FUBP3: variants seen among roughly 807,000 people sequenced by gnomAD.
FUBP3 encodes the protein far upstream element-binding protein 3.
A neutral mutation model predicts 85.6 loss-of-function variants in FUBP3; 28 were observed. The ratio of observed to expected loss-of-function variants is 0.33; its 90% CI spans 0.24 to 0.45. The LOEUF (loss-of-function observed/expected upper bound fraction) is 0.45. FUBP3 is among the 20% of genes least tolerant of loss of function. FUBP3 has a pLI of 1.00. For missense variants in FUBP3, 583 were observed against 755.1 expected (o/e 0.77, Z 2.67); for synonymous variants, 271 against 271.4 (o/e 1.00, Z 0.01).
At chr9:130,594,060 T>A (rs1012899961) in intron 1 of FUBP3, among the ~76,000 whole-genome samples, 5 of 152,174 alleles carry the variant, frequency 3.3e-5, no homozygotes, top group African/African-American at 1.2e-4. Flanking sequence ...AAGACAAGCT[T>A]ATGTTACATC....
Position 130,587,078 on chromosome 9 carries a change from T to TG in FUBP3, c.84+7314_84+7315insG, listed in dbSNP as rs1564189164. On this transcript the variant is annotated intron_variant, in intron 1 of 18. Transcript: ENST00000319725. The stretch of plus-strand genomic sequence containing the variant: ...TTGTTTTTTTTTTTTGTTTGTTTGT[T>TG]TTTTTGAGATGGAGTCTCACTCTGT... Among the ~76,000 whole-genome samples the TG allele has an allele frequency of 3.2e-3, 477 of 149,126 alleles. 7 individuals carry two copies. Among genetic ancestry groups the TG allele is most frequent in the African/African-American group, 0.011 (449 of 40,082 alleles).
intron 1 of FUBP3, 66 bp downstream of exon 1, chr9:130,579,830 G>A: frequency 9.7e-7 from 1 of 1,035,190 alleles, no homozygotes; most frequent in Non-Finnish European, 1.2e-6. Flanking sequence ...CGGGGAAGAG[G>A]GGTTCGGGCC....
chr9:130,632,177 C>A, intron 15 of FUBP3, 25 bp from the exon 16 acceptor site: 1 of 1,600,030 alleles, frequency 6.2e-7, no homozygotes, highest in Non-Finnish European at 8.6e-7. Flanking sequence ...CCTATAGGAA[C>A]GAGTGACCCT....
chr9:130,608,932 A>G (rs1588139621), intron 2 of FUBP3, among the ~76,000 whole-genome samples: 1 of 152,196 alleles, frequency 6.6e-6, no homozygotes, highest in Admixed American at 6.5e-5. Context: ...ATGGAGTTCA[A>G]TTGTCAAACC....
At chr9:130,626,008 T>G (rs1243010886) in intron 11 of FUBP3, among the ~76,000 whole-genome samples, 1 of 152,194 alleles carries the variant, frequency 6.6e-6, no homozygotes, top group East Asian at 1.9e-4. Context: ...GGGCCTCAGC[T>G]GCAAGGGAGA....
At chr9:130,585,257 T>C (rs984959175) in intron 1 of FUBP3, among the ~76,000 whole-genome samples, 2 of 152,228 alleles carry the variant, frequency 1.3e-5, no homozygotes, top group Non-Finnish European at 2.9e-5. Flanking sequence ...GAGTAGCTGC[T>C]GCGTTTTTGA....
At chr9:130,584,349 A>G (rs78233343) in intron 1 of FUBP3, among the ~76,000 whole-genome samples, 31,042 of 151,696 alleles carry the variant, frequency 0.2, 3,948 homozygotes, top group African/African-American at 0.36. Context: ...TCAACGTGGC[A>G]AAACCCCATC....
intron 1 of FUBP3, among the ~76,000 whole-genome samples, chr9:130,593,789 C>G (rs1170358596): frequency 6.6e-6 from 1 of 152,200 alleles, no homozygotes; most frequent in African/African-American, 2.4e-5. Context: ...GAGGGACTAA[C>G]ATCAAGAGCA....
intron 11 of FUBP3, among the ~76,000 whole-genome samples, chr9:130,626,144 A>G (rs11791887): frequency 0.21 from 32,559 of 152,100 alleles, 3,971 homozygotes; most frequent in African/African-American, 0.33. Context: ...CTGTTTATGT[A>G]ACCACGTGTG....
rs185201587 is a variant in FUBP3, at chr9:130,604,791, G to C, written c.191-5163G>C. On this transcript the variant is annotated intron_variant, in intron 2 of 18. Coordinates refer to ENST00000319725, the MANE Select transcript of FUBP3 (RefSeq NM_003934.2). ...TGCGCGCCTTTAGTCCCAGCTACTC[G>C]GGAGGCTGAGGCAGGGGAATCACTT... 8.5e-5 allele frequency among the ~76,000 whole-genome samples: 13 copies of C among 152,150 alleles called. No individual in the cohort carries two copies. The East Asian group carries it at 2.5e-3, about 29-fold the overall frequency.
rs1156827088 is a variant in FUBP3 at position 130,610,002 on chromosome 9, A to G, written c.224+15A>G. The stretch of plus-strand genomic sequence containing the variant: ...GTACATCAAAGGTAAGCAGTGGGTT[A>G]CGTTTTATTATTTATTGATCATTTC... On this transcript the variant is annotated intron_variant, in intron 3 of 18. Transcript: ENST00000319725. 6.4e-7 allele frequency: 1 copy of G among 1,570,526 alleles called. No homozygotes were observed. Among genetic ancestry groups the G allele is most frequent in the Non-Finnish European group, 8.8e-7 (1 of 1,140,822 alleles).
intron 1 of FUBP3, among the ~76,000 whole-genome samples, chr9:130,580,438 G>A (rs980769652): frequency 6.6e-5 from 10 of 152,188 alleles, no homozygotes; most frequent in East Asian, 3.8e-4. Context: ...CTTCCCCAGA[G>A]AGTGAATATG....
At chr9:130,597,062 C>T (rs2119030808) in intron 2 of FUBP3, among the ~76,000 whole-genome samples, 1 of 151,600 alleles carries the variant, frequency 6.6e-6, no homozygotes, top group East Asian at 1.9e-4. Flanking sequence ...CTACCCTTCC[C>T]AGCCTCTGGT....
Position 130,614,134 on chromosome 9 carries a change from A to G in FUBP3, c.347-154A>G, listed in dbSNP as rs149218552. Among the ~76,000 whole-genome samples the G allele has an allele frequency of 1.7e-3, 259 of 152,342 alleles. 2 individuals carry two copies. The highest frequency in any genetic ancestry group is 6.1e-3 in the African/African-American group (254 of 41,584). On this transcript the variant is annotated intron_variant, in intron 5 of 18. Transcript: ENST00000319725. ...TCTAGGGTGGAGCTACCAGCTTAATATTCTGTCCACAAGTGGAAGCAAACT... is the reference window on the plus strand; with the variant it reads ...TCTAGGGTGGAGCTACCAGCTTAATGTTCTGTCCACAAGTGGAAGCAAACT...
intron 9 of FUBP3, among the ~76,000 whole-genome samples, 179 bp from the exon 10 acceptor site, chr9:130,622,529 G>A (rs576470745): frequency 3.3e-5 from 5 of 151,738 alleles, no homozygotes; most frequent in South Asian, 4.2e-4. Context: ...CTACTTAGAG[G>A]CTGAGGTGGG....
intron 8 of FUBP3, among the ~76,000 whole-genome samples, 181 bp downstream of exon 8, chr9:130,618,076 T>A (rs1832098383): frequency 6.6e-6 from 1 of 152,000 alleles, no homozygotes; most frequent in African/African-American, 2.4e-5. Context: ...AAAACCAGAG[T>A]CCTTAGCTAC....
intron 1 of FUBP3, among the ~76,000 whole-genome samples, chr9:130,590,472 T>TGA (rs1429488394): frequency 1.6e-4 from 25 of 152,188 alleles, no homozygotes; most frequent in Admixed American, 1.6e-3. Flanking sequence ...GCATGGGTAG[T>TGA]GAGATAACCC....
chr9:130,620,740 C>G (rs1829712070), intron 9 of FUBP3, among the ~76,000 whole-genome samples: 2 of 152,138 alleles, frequency 1.3e-5, no homozygotes, highest in African/African-American at 4.8e-5. Context: ...TTCAGGTTTT[C>G]TTGGTGATGT....
chr9:130,619,921 C>T (rs1361850583), intron 8 of FUBP3, among the ~76,000 whole-genome samples: 1 of 152,212 alleles, frequency 6.6e-6, no homozygotes, highest in Non-Finnish European at 1.5e-5. Flanking sequence ...AAAGCCTTGG[C>T]AAAGTTCTCT....
Sources: gnomAD v4.1 joint callset for allele counts (sites outside exome capture counted in the v4.1 genomes callset) on GRCh38, gnomAD v4.1.1 for gene constraint, MANE v1.5 for transcripts, NCBI Gene and HGNC (gene_info 2026-07-23, HGNC 2026-07-21) for gene names.